Variants in DLG2 observed in about 807,000 individuals in gnomAD.
The protein encoded by DLG2 is discs large MAGUK scaffold protein 2, also known as disks large homolog 2.
A neutral mutation model predicts 132.5 loss-of-function variants in DLG2; 45 were observed. That is an observed-to-expected ratio of 0.34 (90% CI 0.27 to 0.44). The LOEUF is 0.44. DLG2 is among the 20% of genes least tolerant of loss of function. The pLI is 1.00. For missense variants in DLG2, 1,045 were observed against 1,196.9 expected (o/e 0.87, Z 1.87); for synonymous variants, 424 against 419.6 (o/e 1.01, Z -0.13).
intron 6 of DLG2, among the ~76,000 whole-genome samples, chr11:84,950,728 TAC>T (rs35040490): frequency 0.061 from 9,087 of 149,942 alleles, 390 homozygotes; most frequent in African/African-American, 0.12. Flanking sequence ...CGCACGTGCA[TAC>T]ACACACACAC....
intron 6 of DLG2, among the ~76,000 whole-genome samples, chr11:84,881,602 CT>C (rs1397492397): frequency 6.6e-6 from 1 of 151,930 alleles, no homozygotes; most frequent in African/African-American, 2.4e-5. Context: ...CTTATTACCC[CT>C]GGCCTCCTCT....
intron 4 of DLG2, among the ~76,000 whole-genome samples, chr11:85,156,049 T>C (rs1004002600): frequency 6.6e-6 from 1 of 151,966 alleles, no homozygotes; most frequent in Non-Finnish European, 1.5e-5. Context: ...TGAACAGAAA[T>C]TTCCACTCCT....
At position 84,170,961 on chromosome 11, in the gene DLG2, G is replaced by A. The variant is rs577465827; in HGVS notation, c.574-7450C>T. On this transcript the variant is annotated intron_variant, in intron 8 of 27. Transcript: ENST00000376104. Reference sequence around the variant, plus strand: ...GCCAGGTGATATCTCTCTGACCTCTGAATATCTCTGTCTTATCTCTTCTCT... The same window carrying A: ...GCCAGGTGATATCTCTCTGACCTCTAAATATCTCTGTCTTATCTCTTCTCT... 3.9e-5 allele frequency among the ~76,000 whole-genome samples: 6 copies of A among 152,110 alleles called. No individual in the cohort carries two copies. In the South Asian group the frequency reaches 8.3e-4, roughly 21 times the overall value.
chr11:83,777,606 T>C lies in DLG2; in HGVS notation c.1825+9084A>G, dbSNP rs78286025. 2.2e-3 allele frequency among the ~76,000 whole-genome samples: 337 copies of C among 152,322 alleles called. 11 individuals carry two copies. In the East Asian group the frequency reaches 0.051, roughly 23 times the overall value. On this transcript the variant is annotated intron_variant, in intron 18 of 27. Coordinates refer to ENST00000376104, the MANE Select transcript of DLG2 (RefSeq NM_001142699.3). ...AATGGTTCTATAAACAAAAAGATCA[T>C]GAACAGTAAGTTGTTAATCCTGAAA...
intron 6 of DLG2, among the ~76,000 whole-genome samples, chr11:84,538,986 T>C (rs2099361868): frequency 6.6e-6 from 1 of 152,154 alleles, no homozygotes. Flanking sequence ...TTTATTTCCT[T>C]TGGCTGAACA....
intron 27 of DLG2, 77 bp downstream of exon 27, chr11:83,461,925 G>C: frequency 1.0e-6 from 1 of 977,700 alleles, no homozygotes; most frequent in Non-Finnish European, 1.7e-6. Flanking sequence ...AAGTACACCA[G>C]GCCCAGAACC....
At chr11:85,057,888 A>G (rs1454863095) in intron 6 of DLG2, among the ~76,000 whole-genome samples, 1 of 151,658 alleles carries the variant, frequency 6.6e-6, no homozygotes, top group African/African-American at 2.4e-5. Context: ...TATACTTTAT[A>G]AAGTTCAACA....
chr11:84,402,551 CAAA>C (rs1281154938), intron 7 of DLG2, among the ~76,000 whole-genome samples: 1 of 137,268 alleles, frequency 7.3e-6, no homozygotes. Context: ...TCCTTCATGT[CAAA>C]AAAAAAAAAT....
intron 3 of DLG2, among the ~76,000 whole-genome samples, chr11:85,465,773 C>G (rs958975297): frequency 1.4e-4 from 21 of 152,010 alleles, no homozygotes; most frequent in Admixed American, 1.3e-3. Context: ...CATATGTGTG[C>G]ATGTGTCTTT....
intron 6 of DLG2, among the ~76,000 whole-genome samples, chr11:84,597,743 A>C (rs758365163): frequency 6.6e-6 from 1 of 152,188 alleles, no homozygotes; most frequent in African/African-American, 2.4e-5. Flanking sequence ...ATCTGAATCC[A>C]TTGATCAATT....
intron 18 of DLG2, among the ~76,000 whole-genome samples, chr11:83,708,913 G>A (rs771565717): frequency 1.3e-5 from 2 of 152,118 alleles, no homozygotes; most frequent in Non-Finnish European, 2.9e-5. Flanking sequence ...TTTACTAGTT[G>A]AGTGATCTTG....
chr11:84,554,041 C>T (rs185430066), intron 6 of DLG2, among the ~76,000 whole-genome samples: 8 of 152,278 alleles, frequency 5.3e-5, no homozygotes, highest in Admixed American at 3.3e-4. Flanking sequence ...ACAGAAAGTC[C>T]AATTCTAAAT....
At chr11:83,614,609 G>A (rs975572952) in intron 19 of DLG2, among the ~76,000 whole-genome samples, 1 of 152,022 alleles carries the variant, frequency 6.6e-6, no homozygotes, top group South Asian at 2.1e-4. Flanking sequence ...GTTGCAGCTA[G>A]TAGGGAGGCT....
intron 16 of DLG2, among the ~76,000 whole-genome samples, chr11:83,874,164 TAG>T (rs1565441503): frequency 3.0e-5 from 2 of 66,162 alleles, no homozygotes; most frequent in Non-Finnish European, 5.9e-5. Flanking sequence ...GAAAGAAAGA[TAG>T]AAAGAGAAAG....
intron 6 of DLG2, among the ~76,000 whole-genome samples, chr11:84,698,935 T>G (rs528397959): frequency 2.6e-5 from 4 of 151,718 alleles, no homozygotes; most frequent in Admixed American, 2.6e-4. Flanking sequence ...GTCATCAATC[T>G]TCACTGCGTT....
intron 15 of DLG2, among the ~76,000 whole-genome samples, chr11:83,915,348 G>T (rs923581806): frequency 2.0e-5 from 3 of 152,126 alleles, no homozygotes; most frequent in African/African-American, 4.8e-5. Context: ...TTATGTAATG[G>T]AATGATGATT....
intron 3 of DLG2, among the ~76,000 whole-genome samples, chr11:85,574,057 A>C (rs1013148094): frequency 6.6e-6 from 1 of 152,198 alleles, no homozygotes; most frequent in African/African-American, 2.4e-5. Context: ...GCAGTGCTAT[A>C]TTCAACTAGC....
intron 18 of DLG2, among the ~76,000 whole-genome samples, chr11:83,719,954 C>G (rs564813868): frequency 2.0e-5 from 3 of 152,238 alleles, no homozygotes; most frequent in African/African-American, 7.2e-5. Context: ...GCTATCTCCA[C>G]ATCCAGAACT....
intron 15 of DLG2, among the ~76,000 whole-genome samples, chr11:83,920,537 AAC>A (rs1459955482): frequency 6.6e-6 from 1 of 152,124 alleles, no homozygotes; most frequent in African/African-American, 2.4e-5. Context: ...AGTCTTTTAT[AAC>A]AGTCTTTTGA....
Sources: gnomAD v4.1 joint callset for allele counts (sites outside exome capture counted in the v4.1 genomes callset) on GRCh38, gnomAD v4.1.1 for gene constraint, MANE v1.5 for transcripts, NCBI Gene and HGNC (gene_info 2026-07-23, HGNC 2026-07-21) for gene names.